SCOC: variants seen among roughly 807,000 people sequenced by gnomAD.
SCOC encodes short coiled-coil protein.
In SCOC, 7 loss-of-function variants were observed where a neutral mutation model predicts 9.9. The observed-to-expected ratio is 0.71, with a 90% CI of 0.40 to 1.33. The LOEUF (loss-of-function observed/expected upper bound fraction) is 1.33, where lower values mean the gene tolerates loss of function less well. Among genes scored for constraint, SCOC ranks in the 40% most tolerant of loss-of-function variants. The pLI is 0.01. For synonymous variants in SCOC, 19 were observed against 28.2 expected (o/e 0.67, Z 1.03); for missense variants, 66 against 89.7 (o/e 0.74, Z 1.07).
upstream of SCOC, among the ~76,000 whole-genome samples, chr4:140,372,177 T>C (rs575752409): frequency 1.3e-5 from 2 of 152,338 alleles, no homozygotes; most frequent in East Asian, 1.9e-4. Context: ...AAAAGAGAGA[T>C]TGGTTCTGGA....
chr4:140,302,285 G>A (rs1457302306), intron 1 of SCOC, among the ~76,000 whole-genome samples: 6 of 152,064 alleles, frequency 3.9e-5, no homozygotes, highest in Admixed American at 2.6e-4. Flanking sequence ...AAAATCAAAG[G>A]GGTCTTTGTC....
chr4:140,311,719 G>A (rs973203840), intron 1 of SCOC, among the ~76,000 whole-genome samples: 4 of 151,994 alleles, frequency 2.6e-5, no homozygotes, highest in African/African-American at 9.7e-5. Flanking sequence ...TAAGACTTTG[G>A]GCTGCTTACT....
intron 1 of SCOC, among the ~76,000 whole-genome samples, chr4:140,265,873 C>T (rs1730720407): frequency 6.6e-6 from 1 of 152,210 alleles, no homozygotes; most frequent in Non-Finnish European, 1.5e-5. Context: ...GTGAACTCTT[C>T]TCTCTCCCGC....
intron 1 of SCOC, among the ~76,000 whole-genome samples, chr4:140,376,932 T>A (rs1188334895): frequency 6.6e-6 from 1 of 152,264 alleles, no homozygotes; most frequent in Non-Finnish European, 1.5e-5. Context: ...CTTTGGCTTG[T>A]ATATCTTATA....
chr4:140,310,578 C>T (rs2126466456), intron 1 of SCOC, among the ~76,000 whole-genome samples: 1 of 152,334 alleles, frequency 6.6e-6, no homozygotes, highest in African/African-American at 2.4e-5. Flanking sequence ...CTTCCTTCTC[C>T]CTCGTGCATT....
intron 1 of SCOC, among the ~76,000 whole-genome samples, chr4:140,283,080 A>T (rs957834488): frequency 1.3e-5 from 2 of 152,244 alleles, no homozygotes; most frequent in African/African-American, 4.8e-5. Flanking sequence ...CTAGCATTCA[A>T]GAAACAGGTT....
intron 1 of SCOC, among the ~76,000 whole-genome samples, chr4:140,286,449 C>G (rs1263139163): frequency 6.6e-6 from 1 of 152,132 alleles, no homozygotes; most frequent in East Asian, 1.9e-4. Context: ...CCCTCCCAAA[C>G]TCTGTCCTTT....
At chr4:140,366,719 G>T in intron 2 of SCOC, 1 of 1,583,984 alleles carries the variant, frequency 6.3e-7, no homozygotes, top group South Asian at 1.1e-5. Flanking sequence ...GGCATGGTCT[G>T]TCTCCTCACT....
intron 1 of SCOC, among the ~76,000 whole-genome samples, chr4:140,313,411 C>A (rs1037107300): frequency 2.6e-5 from 4 of 152,146 alleles, no homozygotes; most frequent in Non-Finnish European, 2.9e-5. Flanking sequence ...GTCACCACAC[C>A]CAGCTAATTT....
At chr4:140,298,144 C>T (rs1026878287) in intron 1 of SCOC, among the ~76,000 whole-genome samples, 2 of 152,278 alleles carry the variant, frequency 1.3e-5, no homozygotes, top group East Asian at 1.9e-4. Flanking sequence ...CTGGCCTCCC[C>T]GGAGGTGTCC....
At chr4:140,296,337 G>A (rs1167806732) in intron 1 of SCOC, among the ~76,000 whole-genome samples, 1 of 152,212 alleles carries the variant, frequency 6.6e-6, no homozygotes, top group Non-Finnish European at 1.5e-5. Context: ...CAGAAAGCCT[G>A]AAAATAAGCC....
chr4:140,289,592 C>T (rs1477509272), intron 1 of SCOC, among the ~76,000 whole-genome samples: 1 of 152,178 alleles, frequency 6.6e-6, no homozygotes, highest in African/African-American at 2.4e-5. Context: ...GGTACCCATA[C>T]CTGTGAACTG....
At chr4:140,307,681 C>G (rs1253832868) in intron 1 of SCOC, among the ~76,000 whole-genome samples, 1 of 152,180 alleles carries the variant, frequency 6.6e-6, no homozygotes, top group Non-Finnish European at 1.5e-5. Flanking sequence ...ATCTAAGTAG[C>G]AGATTCAACC....
intron 1 of SCOC, among the ~76,000 whole-genome samples, chr4:140,262,274 G>A (rs1223608543): frequency 6.6e-6 from 1 of 152,154 alleles, no homozygotes; most frequent in Non-Finnish European, 1.5e-5. Flanking sequence ...AAAGGAAAAA[G>A]GAGAAAGAGA....
intron 1 of SCOC, among the ~76,000 whole-genome samples, chr4:140,270,260 A>C (rs962080905): frequency 1.3e-5 from 2 of 152,200 alleles, no homozygotes. Context: ...TAGGCTAATG[A>C]TTCTCAGAGT....
intron 1 of SCOC, chr4:140,374,184 G>T (rs1728219928): frequency 4.4e-6 from 2 of 457,776 alleles, no homozygotes; most frequent in African/African-American, 4.0e-5. Context: ...GTAAAATAAG[G>T]ATTGGACCAT....
At chr4:140,266,592 C>G (rs1410069243) in intron 1 of SCOC, among the ~76,000 whole-genome samples, 2 of 152,144 alleles carry the variant, frequency 1.3e-5, no homozygotes, top group African/African-American at 4.8e-5. Flanking sequence ...AGGGCACAAT[C>G]AGTCTCTAAC....
At chr4:140,347,656 G>C (rs147778537) in intron 2 of SCOC, among the ~76,000 whole-genome samples, 9 of 152,074 alleles carry the variant, frequency 5.9e-5, no homozygotes, top group Admixed American at 5.9e-4. Context: ...ATATCCCAGC[G>C]ACTCTAAAAC....
chr4:140,339,619 C>T (rs1262372356), upstream of SCOC, among the ~76,000 whole-genome samples: 1 of 152,146 alleles, frequency 6.6e-6, no homozygotes, highest in Non-Finnish European at 1.5e-5. Flanking sequence ...AAACAAACAA[C>T]CCCATCAACA....
Sources: gnomAD v4.1 joint callset for allele counts (sites outside exome capture counted in the v4.1 genomes callset) on GRCh38, gnomAD v4.1.1 for gene constraint, MANE v1.5 for transcripts, NCBI Gene and HGNC (gene_info 2026-07-23, HGNC 2026-07-21) for gene names.